NME8: variants seen among roughly 807,000 people sequenced by gnomAD.
NME8 encodes NME/NM23 family member 8.
Under a neutral mutation model 82.3 loss-of-function variants are expected in NME8, and 72 were observed. The ratio of observed to expected loss-of-function variants is 0.87; its 90% CI spans 0.72 to 1.06. The LOEUF (loss-of-function observed/expected upper bound fraction) is 1.06, where lower values mean the gene tolerates loss of function less well. Among genes scored for constraint, NME8 ranks in the 50% least tolerant of loss-of-function variants. The probability of loss-of-function intolerance (pLI) is 0.00; values close to 1 mark genes in which losing one functional copy is unlikely to be tolerated. For missense variants in NME8, 712 were observed against 685.4 expected (o/e 1.04, Z -0.43); for synonymous variants, 267 against 228.5 (o/e 1.17, Z -1.52).
intron 5 of NME8, among the ~76,000 whole-genome samples, chr7:37,856,909 G>A (rs1207422050): frequency 6.6e-6 from 1 of 152,120 alleles, no homozygotes; most frequent in Non-Finnish European, 1.5e-5. Context: ...CCTTGGGAGA[G>A]GGGCAGTAAC....
chr7:37,855,390 A>T (rs1420693102), intron 5 of NME8, among the ~76,000 whole-genome samples: 1 of 152,180 alleles, frequency 6.6e-6, no homozygotes, highest in Non-Finnish European at 1.5e-5. Flanking sequence ...TGAGAAAGAT[A>T]GCCCTGATCA....
intron 15 of NME8, 93 bp downstream of exon 15, chr7:37,888,521 C>T (rs1189213391): frequency 8.0e-7 from 1 of 1,248,146 alleles, no homozygotes. Context: ...AAACAGGAAA[C>T]AGAAAATTCC....
intron 12 of NME8, among the ~76,000 whole-genome samples, chr7:37,882,022 T>G (rs1363231918): frequency 6.6e-6 from 1 of 152,264 alleles, no homozygotes; most frequent in Non-Finnish European, 1.5e-5. Context: ...GTTTTTGTTG[T>G]TGGTGGTTGT....
intron 3 of NME8, 29 bp downstream of exon 3, chr7:37,850,328 T>A (rs1562826681): frequency 1.2e-6 from 2 of 1,614,088 alleles, no homozygotes; most frequent in Non-Finnish European, 8.5e-7. Context: ...CAATTCTTTA[T>A]CTGGTGCACT....
At chr7:37,854,264 TA>T (rs1323520679) in intron 5 of NME8, among the ~76,000 whole-genome samples, 31 of 152,204 alleles carry the variant, frequency 2.0e-4, no homozygotes, top group South Asian at 1.5e-3. Flanking sequence ...AAACAAAATA[TA>T]TTTACTATGC....
At chr7:37,861,118 A>T (rs1784591849) in intron 6 of NME8, among the ~76,000 whole-genome samples, 1 of 152,130 alleles carries the variant, frequency 6.6e-6, no homozygotes, top group Non-Finnish European at 1.5e-5. Context: ...AGGTGAAATA[A>T]TTTTTACAAA....
chr7:37,883,067 G>A (rs1002122561), intron 12 of NME8, among the ~76,000 whole-genome samples: 2 of 152,016 alleles, frequency 1.3e-5, no homozygotes, highest in Non-Finnish European at 2.9e-5. Context: ...ATTAGGGAAG[G>A]CAATCTCCAG....
chr7:37,865,490 C>T (rs750575924), intron 9 of NME8, 35 bp from the exon 10 acceptor site: 94 of 1,433,078 alleles, frequency 6.6e-5, no homozygotes, highest in Middle Eastern at 1.7e-4. Flanking sequence ...TGTGATCCCA[C>T]GACACCTGGA....
intron 11 of NME8, among the ~76,000 whole-genome samples, chr7:37,874,940 CAAT>C (rs1562835089): frequency 6.6e-6 from 1 of 151,894 alleles, no homozygotes; most frequent in Non-Finnish European, 1.5e-5. Flanking sequence ...TTAATATCAC[CAAT>C]AATGGGAAAA....
At position 37,850,306 on chromosome 7, in the gene NME8, C is replaced by G; in HGVS notation, c.33+7C>G. 1 of 1,614,096 alleles carries G rather than the reference C, an allele frequency of 6.2e-7. No individual in the cohort carries two copies. On this transcript the variant is annotated splice_region_variant and intron_variant, in intron 3 of 17. Transcript: ENST00000199447. ...ACGAGAAGTCCAGTTACAGGTGGGTCTGACATATCAACAATTCTTTATCTG... is the reference window on the plus strand; with the variant it reads ...ACGAGAAGTCCAGTTACAGGTGGGTGTGACATATCAACAATTCTTTATCTG...
chr7:37,875,498 A>G (rs924860618), intron 11 of NME8, among the ~76,000 whole-genome samples: 1 of 152,084 alleles, frequency 6.6e-6, no homozygotes, highest in African/African-American at 2.4e-5. Flanking sequence ...GGACAGTGTT[A>G]ACAGTTGGTG....
intron 14 of NME8, among the ~76,000 whole-genome samples, chr7:37,887,840 G>T (rs1785067621): frequency 6.6e-6 from 1 of 152,132 alleles, no homozygotes; most frequent in South Asian, 2.1e-4. Flanking sequence ...TGTAATACCA[G>T]GTGCTTGTAA....
In NME8 at chr7:37,884,327, A is replaced by T. The variant is rs1173219882; in HGVS notation, c.1019A>T (p.Asp340Val). The T allele has an allele frequency of 1.9e-6, 3 of 1,592,992 alleles. No individual in the cohort carries two copies. In the South Asian group the frequency reaches 3.3e-5, roughly 18 times the overall value. ...RKDDVLRIIK[D>V]EDFKILEQRQ... ...GATGATGTTTTGCGTATTATTAAAG[A>T]TGAAGACTTCAAAATACTGGAGCAA... The change falls in exon 13 of 18, where the codon GAT (aspartate) becomes GTT (valine). Residue 340 changes from aspartate to valine, a missense_variant. Physicochemically the swap from Asp to Val is radical, Grantham distance 152 (BLOSUM62 -3). Coordinates refer to ENST00000199447, the MANE Select transcript of NME8 (RefSeq NM_016616.5).
intron 11 of NME8, among the ~76,000 whole-genome samples, chr7:37,872,897 T>A (rs1055259404): frequency 6.6e-6 from 1 of 152,194 alleles, no homozygotes; most frequent in South Asian, 2.1e-4. Context: ...CACACACAAA[T>A]ACAGGAACAT....
chr7:37,865,726 A>G (rs1784666979), intron 10 of NME8, 109 bp downstream of exon 10: 1 of 736,498 alleles, frequency 1.4e-6, no homozygotes, highest in Non-Finnish European at 2.4e-6. Flanking sequence ...AACAACTAAA[A>G]TAAGCTCCTG....
At position 37,888,283 on chromosome 7, in the gene NME8, T is replaced by G. The variant is rs759612452; in HGVS notation, c.1254T>G (p.Cys418Trp). 1.2e-6 allele frequency: 2 copies of G among 1,613,552 alleles called. No individual in the cohort carries two copies. The highest frequency in any genetic ancestry group is 1.7e-5 in the Admixed American group (1 of 59,924). Reference protein sequence around the residue: ...EAIEYFPESLCAQFAMDSLPV... With the variant: ...EAIEYFPESLWAQFAMDSLPV... ...CCTGACTTCTTTTTCAAAGTTTATG[T>G]GCACAGTTTGCGATGGACAGTTTGC... Residue 418 changes from cysteine to tryptophan, a missense_variant, in exon 15 of 18, where the codon TGT becomes TGG. By Grantham distance (215) the Cys-to-Trp change is radical. Coordinates refer to ENST00000199447, the MANE Select transcript of NME8 (RefSeq NM_016616.5).
At position 37,888,138 on chromosome 7, in the gene NME8, T is replaced by C. The variant is rs561364132; in HGVS notation, c.1248-139T>C. On this transcript the variant is annotated intron_variant, in intron 14 of 17. Transcript: ENST00000199447. ...AGAAGTAGCATGCCCTAAGCCGCCA[T>C]GTACTTACTTCCTTTTGCACAGTGT... 3.8e-4 allele frequency: 306 copies of C among 801,512 alleles called. 2 individuals carry two copies. In the East Asian group the frequency reaches 7.7e-3, roughly 20 times the overall value. The allele number at this position is 801,512 out of a possible 1,614,324, so 49.7% of individuals were successfully genotyped here.
chr7:37,881,305 G>C lies in NME8; in HGVS notation c.995-2998G>C, dbSNP rs538235995. On this transcript the variant is annotated intron_variant, in intron 12 of 17. Coordinates refer to ENST00000199447, the MANE Select transcript of NME8 (RefSeq NM_016616.5). ...TGTTAACTGTAGGATTTTTGAAGAT[G>C]TTCTCTAGTAAGTTGAGAAAGTTTC... Among the ~76,000 whole-genome samples, 8 of 152,220 alleles carry C rather than the reference G, an allele frequency of 5.3e-5. No individual in the cohort carries two copies. The South Asian group carries it at 1.7e-3, about 32-fold the overall frequency.
rs374127636 is a variant in NME8 at position 37,883,987 on chromosome 7, C to CA, written c.995-316_995-315insA. On this transcript the variant is annotated intron_variant, in intron 12 of 17. Coordinates refer to ENST00000199447, the MANE Select transcript of NME8 (RefSeq NM_016616.5). ...TACACACACACACACACACACACACCCACACAATCACTCACATTCACATGC... is the reference window on the plus strand; with the variant it reads ...TACACACACACACACACACACACACCACACACAATCACTCACATTCACATGC... 0.24 allele frequency among the ~76,000 whole-genome samples: 35,246 copies of CA among 144,616 alleles called. 4,499 individuals are homozygous for CA. The highest frequency in any genetic ancestry group is 0.32 in the Admixed American group (4,816 of 14,944). The allele number at this position is 144,616 out of a possible 152,430, so 94.9% of individuals were successfully genotyped here.
Sources: gnomAD v4.1 joint callset for allele counts (sites outside exome capture counted in the v4.1 genomes callset) on GRCh38, gnomAD v4.1.1 for gene constraint, MANE v1.5 for transcripts, NCBI Gene and HGNC (gene_info 2026-07-23, HGNC 2026-07-21) for gene names.